DCBLD1: variants seen among roughly 807,000 people sequenced by gnomAD.
DCBLD1 encodes the protein discoidin, CUB and LCCL domain-containing protein 1.
In DCBLD1, 57 loss-of-function variants were observed where a neutral mutation model predicts 71.5. The ratio of observed to expected loss-of-function variants is 0.80; its 90% CI spans 0.64 to 0.99. The LOEUF (loss-of-function observed/expected upper bound fraction) is 0.99. Ranked by LOEUF, DCBLD1 falls within the 50% of genes least tolerant of loss-of-function variation. DCBLD1 has a pLI of 0.00. For missense variants in DCBLD1, 891 were observed against 923.5 expected (o/e 0.96, Z 0.46); for synonymous variants, 380 against 363.8 (o/e 1.04, Z -0.51).
chr6:117,508,639 T>C (rs1019362006), intron 2 of DCBLD1, among the ~76,000 whole-genome samples: 7 of 152,234 alleles, frequency 4.6e-5, no homozygotes, highest in African/African-American at 1.7e-4. Context: ...GATTTGAATT[T>C]ACTCAGAGGT....
intron 2 of DCBLD1, among the ~76,000 whole-genome samples, chr6:117,509,191 C>T (rs1322278045): frequency 2.0e-5 from 3 of 152,080 alleles, no homozygotes; most frequent in Non-Finnish European, 1.5e-5. Flanking sequence ...CAGCAGTTTG[C>T]GAGGCTGAGG....
chr6:117,542,601 T>A (rs1779134663), intron 11 of DCBLD1, among the ~76,000 whole-genome samples: 1 of 152,044 alleles, frequency 6.6e-6, no homozygotes, highest in African/African-American at 2.4e-5. Flanking sequence ...GAAATGCAGT[T>A]TTAGGTCATC....
At chr6:117,537,642 T>C (rs1369742745) in intron 7 of DCBLD1, among the ~76,000 whole-genome samples, 2 of 149,528 alleles carry the variant, frequency 1.3e-5, no homozygotes, top group Non-Finnish European at 3.0e-5. Context: ...TTTTTCCTTT[T>C]TTCTCAGGTT....
At chr6:117,519,674 G>A (rs1778318843) in intron 2 of DCBLD1, 142 bp from the exon 3 acceptor site, 2 of 1,134,396 alleles carry the variant, frequency 1.8e-6, no homozygotes, top group African/African-American at 1.5e-5. Context: ...TGAGCGTCAA[G>A]CTAAATTTCA....
At chr6:117,558,664 A>G (rs1481909381) in intron 14 of DCBLD1, among the ~76,000 whole-genome samples, 4 of 152,218 alleles carry the variant, frequency 2.6e-5, no homozygotes, top group African/African-American at 4.8e-5. Context: ...TCATTTCCCA[A>G]TGGAGTCACA....
rs368591946 is a variant in DCBLD1, at chr6:117,539,399, G to A, written c.1101+20G>A. 2.1e-5 allele frequency: 33 copies of A among 1,589,892 alleles called. No individual in the cohort carries two copies. Among genetic ancestry groups the A allele is most frequent in the Non-Finnish European group, 2.6e-5 (30 of 1,173,796 alleles). On this transcript the variant is annotated intron_variant, in intron 9 of 14. Transcript: ENST00000338728. The stretch of plus-strand genomic sequence containing the variant: ...GAAAAGGTAAGAGGTAACCCTAGAG[G>A]CAAGAGAACTGAGTAGGAGAACAGG...
At chr6:117,510,939 A>AT (rs1163306352) in intron 2 of DCBLD1, among the ~76,000 whole-genome samples, 1 of 152,192 alleles carries the variant, frequency 6.6e-6, no homozygotes, top group African/African-American at 2.4e-5. Context: ...TTTAACCCTT[A>AT]TAACAGCCCT....
intron 2 of DCBLD1, among the ~76,000 whole-genome samples, chr6:117,510,835 A>G (rs1777995139): frequency 6.6e-6 from 1 of 152,200 alleles, no homozygotes. Context: ...TATTATGTGG[A>G]AAAGACCATG....
Position 117,503,918 on chromosome 6 carries a change from T to C in DCBLD1, c.264T>C (p.Asp88=). The change falls in exon 2 of 15, where the codon GAT becomes GAC. Residue 88 remains aspartate, a synonymous_variant. Transcript: ENST00000338728. The part of the protein sequence containing the change: ...KRLILRLGDL[D]IESQTCASDY... ...TGATTCTGAGGTTGGGAGATTTGGATATCGAATCCCAGACCTGTGCTTCTG... is the reference window on the plus strand; with the variant it reads ...TGATTCTGAGGTTGGGAGATTTGGACATCGAATCCCAGACCTGTGCTTCTG... 6.2e-7 allele frequency: 1 copy of C among 1,614,156 alleles called. No homozygotes were observed. Among genetic ancestry groups the C allele is most frequent in the Non-Finnish European group, 8.5e-7 (1 of 1,180,006 alleles).
At chr6:117,538,232 A>C (rs1194552075) in intron 7 of DCBLD1, among the ~76,000 whole-genome samples, 1 of 152,220 alleles carries the variant, frequency 6.6e-6, no homozygotes, top group Non-Finnish European at 1.5e-5. Context: ...ATGTGGAAAA[A>C]ATGGGGTTCC....
chr6:117,552,231 A>G (rs2114585313), downstream of DCBLD1, among the ~76,000 whole-genome samples: 1 of 152,316 alleles, frequency 6.6e-6, no homozygotes, highest in East Asian at 1.9e-4. Context: ...CAGGCATATT[A>G]CTGGTGCTTT....
intron 14 of DCBLD1, among the ~76,000 whole-genome samples, chr6:117,555,544 A>G (rs1410993336): frequency 6.6e-6 from 1 of 152,170 alleles, no homozygotes; most frequent in South Asian, 2.1e-4. Context: ...ATTGCTTCCT[A>G]AAGAATATGG....
At chr6:117,546,088 C>G (rs965991463) in intron 14 of DCBLD1, among the ~76,000 whole-genome samples, 41 of 152,010 alleles carry the variant, frequency 2.7e-4, no homozygotes, top group African/African-American at 9.4e-4. Context: ...AATTTCTACT[C>G]CATCATGAAT....
At chr6:117,492,852 G>A (rs1021212015) in intron 1 of DCBLD1, among the ~76,000 whole-genome samples, 3 of 152,106 alleles carry the variant, frequency 2.0e-5, no homozygotes, top group Non-Finnish European at 2.9e-5. Flanking sequence ...TGCTTGTTCC[G>A]TGGATATGGT....
Position 117,527,392 on chromosome 6 carries a change from CTT to C in DCBLD1, c.585+1961_585+1962del, listed in dbSNP as rs1306578803. Among the ~76,000 whole-genome samples, 35 of 152,112 alleles carry C rather than the reference CTT, an allele frequency of 2.3e-4. 1 individual carries two copies. Among genetic ancestry groups the C allele is most frequent in the Admixed American group, 2.2e-3 (34 of 15,262 alleles). ...GGAAATGCGTTCAGTTGTAGCAAGT[CTT>C]TTCAGAAGAATCTTTGCAAAACCAA... On this transcript the variant is annotated intron_variant, in intron 5 of 14. Transcript: ENST00000338728.
chr6:117,558,238 T>A (rs991271064), intron 14 of DCBLD1, among the ~76,000 whole-genome samples: 2 of 152,202 alleles, frequency 1.3e-5, no homozygotes, highest in Non-Finnish European at 2.9e-5. Context: ...GAAGCTCAGC[T>A]GTTTCAATCC....
intron 2 of DCBLD1, among the ~76,000 whole-genome samples, chr6:117,505,485 T>C (rs138123526): frequency 0.011 from 1,618 of 152,232 alleles, 37 homozygotes; most frequent in African/African-American, 0.036. Context: ...GATGAGCATT[T>C]CATTCCACCT....
chr6:117,552,337 C>G (rs1216965860), downstream of DCBLD1, among the ~76,000 whole-genome samples: 2 of 152,124 alleles, frequency 1.3e-5, no homozygotes, highest in South Asian at 2.1e-4. Context: ...GATGATCGAT[C>G]AATATTAGCT....
chr6:117,529,114 C>T (rs1404790809), intron 5 of DCBLD1, among the ~76,000 whole-genome samples: 1 of 152,174 alleles, frequency 6.6e-6, no homozygotes, highest in Non-Finnish European at 1.5e-5. Context: ...GCTGGGATTA[C>T]AGGTGTGAGC....
Sources: allele counts gnomAD v4.1 joint callset (sites outside exome capture counted in the v4.1 genomes callset), GRCh38; gene constraint gnomAD v4.1.1; transcripts MANE v1.5; gene names NCBI Gene and HGNC (gene_info 2026-07-23, HGNC 2026-07-21).